Variants in PIK3R1 observed in about 807,000 individuals in gnomAD.
PIK3R1 encodes the protein phosphatidylinositol 3-kinase regulatory subunit alpha.
In PIK3R1, 29 loss-of-function variants were observed where a neutral mutation model predicts 98.0. The observed-to-expected ratio is 0.30, with a 90% confidence interval of 0.22 to 0.40. The LOEUF is 0.40. PIK3R1 is among the 10% of genes least tolerant of loss of function. The pLI is 1.00. For missense variants in PIK3R1, 596 were observed against 872.7 expected (o/e 0.68, Z 3.99); for synonymous variants, 282 against 311.8 (o/e 0.90, Z 1.01).
intron 4 of PIK3R1, among the ~76,000 whole-genome samples, chr5:68,277,908 AC>A (rs1329924894): frequency 6.6e-6 from 1 of 152,214 alleles, no homozygotes. Context: ...TAAAGCTGTT[AC>A]AAACGTAGTA....
At chr5:68,293,686 T>C (rs2112261742) in intron 10 of PIK3R1, 23 bp from the exon 11 acceptor site, 1 of 1,375,716 alleles carries the variant, frequency 7.3e-7, no homozygotes, top group South Asian at 1.3e-5. Context: ...CCTTATCCAT[T>C]GAATTTATTT....
At chr5:68,273,676 A>T in intron 3 of PIK3R1, 194 bp downstream of exon 3, 1 of 600,774 alleles carries the variant, frequency 1.7e-6, no homozygotes. Context: ...ACTCTAGATT[A>T]TCATGTAGTT....
intron 2 of PIK3R1, among the ~76,000 whole-genome samples, 163 bp downstream of exon 2, chr5:68,227,172 T>C (rs767426393): frequency 2.0e-5 from 3 of 152,130 alleles, no homozygotes; most frequent in Non-Finnish European, 4.4e-5. Context: ...ATTACACAAC[T>C]AGAAATTTGT....
At chr5:68,292,087 T>G (rs1580259805) in intron 7 of PIK3R1, 172 bp from the exon 8 acceptor site, 1 of 452,632 alleles carries the variant, frequency 2.2e-6, no homozygotes, top group South Asian at 4.6e-5. Flanking sequence ...AGCCATGCTC[T>G]GAAAGATTTT....
chr5:68,292,492 G>A lies in PIK3R1; in HGVS notation c.1019+131G>A, dbSNP rs188206678. 120 of 1,486,108 alleles carry A rather than the reference G, an allele frequency of 8.1e-5. No homozygotes were observed. In the African/African-American group the frequency reaches 1.3e-3, roughly 16 times the overall value. 92.1% of individuals were successfully genotyped at this position (1,486,108 alleles called of 1,614,324 possible). A position where few individuals can be genotyped will look rare whatever the true frequency, so the allele number is the denominator to read the frequency against. ...GCATAGTTGGTTCTCTTCCAAAGAC[G>A]ACCAGAAAAAGTCACTGAGCACTGG... is the stretch of plus-strand genomic sequence containing the variant. On this transcript the variant is annotated intron_variant, in intron 8 of 15. Transcript: ENST00000521381.
chr5:68,252,522 G>A (rs1031488908), intron 2 of PIK3R1, among the ~76,000 whole-genome samples: 18 of 152,170 alleles, frequency 1.2e-4, no homozygotes, highest in African/African-American at 3.6e-4. Context: ...TGATAATATT[G>A]CAATAGTAAA....
At chr5:68,263,205 A>ATG (rs1300399445) in intron 2 of PIK3R1, among the ~76,000 whole-genome samples, 1 of 129,722 alleles carries the variant, frequency 7.7e-6, no homozygotes, top group Non-Finnish European at 1.6e-5. Flanking sequence ...ATATATATCT[A>ATG]TATATATATT....
At position 68,274,014 on chromosome 5, in the gene PIK3R1, G is replaced by T. The variant is rs773461483; in HGVS notation, c.502+1G>T. ...GAATTACGACAGCTTCTTGATTGTG[G>T]TGAGTGTCACAGAGCTAGAAATGCA... On this transcript the variant is annotated splice_donor_variant, in intron 4 of 15. Coordinates refer to ENST00000521381, the MANE Select transcript of PIK3R1 (RefSeq NM_181523.3). LOFTEE classifies it high-confidence loss of function. The T allele has an allele frequency of 6.2e-7, 1 of 1,611,946 alleles. No individual in the cohort carries two copies. The highest frequency in any genetic ancestry group is 8.5e-7 in the Non-Finnish European group (1 of 1,178,048).
At chr5:68,253,419 A>G (rs1321723928) in intron 2 of PIK3R1, among the ~76,000 whole-genome samples, 1 of 152,228 alleles carries the variant, frequency 6.6e-6, no homozygotes, top group Non-Finnish European at 1.5e-5. Context: ...AAATAAAAAA[A>G]CAAATATTCT....
chr5:68,236,150 C>T (rs1490237997), intron 2 of PIK3R1, among the ~76,000 whole-genome samples: 1 of 152,060 alleles, frequency 6.6e-6, no homozygotes, highest in Non-Finnish European at 1.5e-5. Context: ...GGATTACCAG[C>T]GCGAGCCACC....
chr5:68,284,037 G>A (rs961895778), intron 7 of PIK3R1, among the ~76,000 whole-genome samples: 1 of 152,178 alleles, frequency 6.6e-6, no homozygotes, highest in Non-Finnish European at 1.5e-5. Context: ...AAAAAAGTGG[G>A]CTTCTGACTC....
At chr5:68,293,023 A>G in intron 8 of PIK3R1, 78 bp from the exon 9 acceptor site, 1 of 1,229,646 alleles carries the variant, frequency 8.1e-7, no homozygotes, top group Non-Finnish European at 1.2e-6. Flanking sequence ...ACTGCTCTAA[A>G]AAATAGCCTA....
At chr5:68,253,392 T>G (rs924987871) in intron 2 of PIK3R1, among the ~76,000 whole-genome samples, 2 of 152,200 alleles carry the variant, frequency 1.3e-5, no homozygotes, top group Non-Finnish European at 2.9e-5. Context: ...TCCAGCCTTT[T>G]AAAACTAGGC....
intron 2 of PIK3R1, among the ~76,000 whole-genome samples, chr5:68,254,002 T>G (rs1337597071): frequency 5.4e-5 from 4 of 74,726 alleles, no homozygotes; most frequent in African/African-American, 2.5e-4. Context: ...TTTTTTTTTG[T>G]ATTTTATAAC....
chr5:68,273,466 A>G lies in PIK3R1; in HGVS notation c.411A>G (p.Glu137=). 6.2e-7 allele frequency: 1 copy of G among 1,613,932 alleles called. No homozygotes were observed. The highest frequency in any genetic ancestry group is 8.5e-7 in the Non-Finnish European group (1 of 1,179,854). ...IAPPLLIKLV[E]AIEKKGLECS... is the part of the protein sequence containing the mutation. Reference sequence around the variant, plus strand: ...CGCCTCTTCTTATCAAGCTCGTGGAAGCCATTGAAAAGAAAGGTAACCAGA... The same window carrying G: ...CGCCTCTTCTTATCAAGCTCGTGGAGGCCATTGAAAAGAAAGGTAACCAGA... Residue 137 remains glutamate (E), a synonymous_variant, in exon 3 of 16, where the codon GAA becomes GAG. Coordinates refer to ENST00000521381, the MANE Select transcript of PIK3R1 (RefSeq NM_181523.3).
chr5:68,260,750 A>C (rs532468795), intron 2 of PIK3R1, among the ~76,000 whole-genome samples: 19 of 152,254 alleles, frequency 1.2e-4, no homozygotes, highest in African/African-American at 4.6e-4. Context: ...ATTGCTCTCA[A>C]TTTCATGATC....
At chr5:68,219,864 C>T (rs192683136) in intron 1 of PIK3R1, among the ~76,000 whole-genome samples, 7 of 152,220 alleles carry the variant, frequency 4.6e-5, no homozygotes, top group Admixed American at 4.6e-4. Context: ...ATAATAGTTG[C>T]AATTTACTAG....
intron 2 of PIK3R1, among the ~76,000 whole-genome samples, chr5:68,266,699 C>T (rs1266888763): frequency 1.3e-5 from 2 of 152,168 alleles, no homozygotes; most frequent in Non-Finnish European, 2.9e-5. Flanking sequence ...CACTTGTATA[C>T]TCTGGCGCAG....
Position 68,297,591 on chromosome 5 carries a change from A to G in PIK3R1, c.2165A>G (p.Gln722Arg). Residue 722 changes from glutamine (Q) to arginine (R), a missense_variant, in exon 16 of 16, where the codon CAG becomes CGG. Gln to Arg is a conservative substitution (Grantham distance 43). Coordinates refer to ENST00000521381, the MANE Select transcript of PIK3R1 (RefSeq NM_181523.3). ...VTLAYPVYAQ[Q>R]RR ...CTAGCCTACCCAGTATATGCACAGC[A>G]GAGGCGATGAAGCGCTTACTCTTTG... is the stretch of plus-strand genomic sequence containing the variant. 2 of 1,613,824 alleles carry G rather than the reference A, an allele frequency of 1.2e-6. No homozygotes were observed. The highest frequency in any genetic ancestry group is 1.7e-6 in the Non-Finnish European group (2 of 1,179,852).
Sources: gnomAD v4.1 joint callset for allele counts (sites outside exome capture counted in the v4.1 genomes callset) on GRCh38, gnomAD v4.1.1 for gene constraint, MANE v1.5 for transcripts, NCBI Gene and HGNC (gene_info 2026-07-23, HGNC 2026-07-21) for gene names.